The following SULT2B1 variants were observed in gnomAD, a reference collection of about 807,000 sequenced individuals.
The protein encoded by SULT2B1 is sulfotransferase 2B1.
A neutral mutation model predicts 33.2 loss-of-function variants in SULT2B1; 16 were observed. That is an observed-to-expected ratio of 0.48 (90% CI 0.33 to 0.73). SULT2B1 has a LOEUF of 0.73. Among genes scored for constraint, SULT2B1 ranks in the 30% least tolerant of loss-of-function variants. The probability of loss-of-function intolerance (pLI) is 0.02; values close to 1 mark genes in which losing one functional copy is unlikely to be tolerated. For missense variants in SULT2B1, 500 were observed against 506.0 expected (o/e 0.99, Z 0.11); for synonymous variants, 186 against 200.5 (o/e 0.93, Z 0.61).
intron 2 of SULT2B1, among the ~76,000 whole-genome samples, chr19:48,584,640 T>C (rs1973539602): frequency 6.6e-6 from 1 of 152,170 alleles, no homozygotes; most frequent in Non-Finnish European, 1.5e-5. Context: ...TGTGGTGGCT[T>C]ACGCCTGTAA....
At chr19:48,588,545 T>C (rs1002113071) in intron 3 of SULT2B1, among the ~76,000 whole-genome samples, 1 of 149,740 alleles carries the variant, frequency 6.7e-6, no homozygotes, top group African/African-American at 2.4e-5. Flanking sequence ...ATACTACATA[T>C]TATAATAATT....
chr19:48,558,928 C>T (rs1056026018), intron 1 of SULT2B1, among the ~76,000 whole-genome samples: 1 of 152,048 alleles, frequency 6.6e-6, no homozygotes, highest in Non-Finnish European at 1.5e-5. Context: ...TCGGATGATC[C>T]ACCCGCCTCG....
intron 1 of SULT2B1, 76 bp from the exon 2 acceptor site, chr19:48,575,865 C>T (rs370205365): frequency 7.0e-5 from 109 of 1,550,362 alleles, no homozygotes; most frequent in Non-Finnish European, 9.4e-5. Flanking sequence ...TGCCAGGGTC[C>T]GAGTGTCGCC....
intron 1 of SULT2B1, among the ~76,000 whole-genome samples, chr19:48,558,408 C>G (rs780543495): frequency 6.6e-6 from 1 of 152,140 alleles, no homozygotes; most frequent in East Asian, 1.9e-4. Context: ...GTGTCAAGGC[C>G]AGAGAAGCCA....
chr19:48,594,305 C>A, intron 5 of SULT2B1, among the ~76,000 whole-genome samples: 2 of 152,108 alleles, frequency 1.3e-5, no homozygotes, highest in East Asian at 3.9e-4. Flanking sequence ...ATATGGTTTT[C>A]CCAAATGTTG....
At chr19:48,587,978 G>C (rs1414053312) in intron 3 of SULT2B1, among the ~76,000 whole-genome samples, 3 of 150,446 alleles carry the variant, frequency 2.0e-5, no homozygotes, top group Non-Finnish European at 4.4e-5. Flanking sequence ...GGGAGGCAGA[G>C]GCAGGCAGAT....
chr19:48,577,385 A>G (rs1309711657), intron 2 of SULT2B1, among the ~76,000 whole-genome samples: 1 of 20,470 alleles, frequency 4.9e-5, no homozygotes, highest in Non-Finnish European at 9.3e-5. Context: ...TTTTTTTTAG[A>G]GACAGAGTCT....
At chr19:48,587,470 G>C in intron 3 of SULT2B1, 33 bp downstream of exon 3, 1 of 1,610,394 alleles carries the variant, frequency 6.2e-7, no homozygotes, top group Non-Finnish European at 8.5e-7. Flanking sequence ...AGTTGGGAGG[G>C]GCTGCATGGG....
rs979596985 is a variant in SULT2B1 at position 48,595,408 on chromosome 19, T to C, written c.646-1331T>C. Among the ~76,000 whole-genome samples the C allele has an allele frequency of 2.0e-5, 3 of 152,218 alleles. No individual in the cohort carries two copies. The East Asian group carries it at 5.8e-4, about 29-fold the overall frequency. ...GGCCTCTGTTTACCAATTGAGATAA[T>C]GACACTTCCCTTGCAAAGCTGATGG... On this transcript the variant is annotated intron_variant, in intron 5 of 6. Coordinates refer to ENST00000201586, the MANE Select transcript of SULT2B1 (RefSeq NM_177973.2).
chr19:48,558,240 G>T (rs1412130653), intron 1 of SULT2B1, among the ~76,000 whole-genome samples: 2 of 152,210 alleles, frequency 1.3e-5, no homozygotes, highest in Non-Finnish European at 2.9e-5. Flanking sequence ...AACCAGGGAA[G>T]CCTGACTGTA....
chr19:48,593,080 C>A (rs921052601), intron 5 of SULT2B1, among the ~76,000 whole-genome samples: 3 of 152,104 alleles, frequency 2.0e-5, no homozygotes, highest in Non-Finnish European at 4.4e-5. Flanking sequence ...TGGTCAGGGG[C>A]GAGATTTAAC....
At chr19:48,563,188 T>A (rs1973202487) in intron 1 of SULT2B1, among the ~76,000 whole-genome samples, 1 of 152,110 alleles carries the variant, frequency 6.6e-6, no homozygotes. Context: ...GTGGTAGGAT[T>A]ACAGGGGACT....
chr19:48,564,370 G>A lies in SULT2B1; in HGVS notation c.72-11571G>A, dbSNP rs1311446623. On this transcript the variant is annotated intron_variant, in intron 1 of 6. Coordinates refer to ENST00000201586, the MANE Select transcript of SULT2B1 (RefSeq NM_177973.2). The stretch of plus-strand genomic sequence containing the variant: ...AGATCGAGACCAGCCTGGCTAACAC[G>A]GTGAAACCCTGTCTCTACTAAAAAT... 3.3e-5 allele frequency among the ~76,000 whole-genome samples: 5 copies of A among 151,096 alleles called. 1 individual carries two copies. The highest frequency in any genetic ancestry group is 2.4e-5 in the African/African-American group (1 of 41,218).
chr19:48,594,679 T>C (rs1360939765), intron 5 of SULT2B1, among the ~76,000 whole-genome samples: 1 of 152,208 alleles, frequency 6.6e-6, no homozygotes, highest in Non-Finnish European at 1.5e-5. Context: ...GCCATGGGGT[T>C]GGCGGAGCTG....
intron 1 of SULT2B1, among the ~76,000 whole-genome samples, chr19:48,566,764 C>T (rs527567931): frequency 1.3e-5 from 2 of 152,042 alleles, no homozygotes; most frequent in East Asian, 3.9e-4. Flanking sequence ...ATCACTTGAA[C>T]CCGGGAGGCA....
chr19:48,579,605 C>CTTTCTTTTTTT (rs71179013), intron 2 of SULT2B1, among the ~76,000 whole-genome samples: 25 of 79,762 alleles, frequency 3.1e-4, no homozygotes, highest in African/African-American at 8.5e-4. Flanking sequence ...TTCTTTCTTT[C>CTTTCTTTTTTT]TTTTTTTTTT....
chr19:48,596,710 C>T lies in SULT2B1; in HGVS notation c.646-29C>T, dbSNP rs1308761524. The T allele has an allele frequency of 5.1e-6, 8 of 1,566,168 alleles. No homozygotes were observed. In the Admixed American group the frequency reaches 7.3e-5, roughly 14 times the overall value. ...CTCCTTCCTTGGCCGAGTGCCCTCC[C>T]TCCGCTGACCCCTCTCCCCTGCCTG... On this transcript the variant is annotated intron_variant, in intron 5 of 6. Transcript: ENST00000201586.
chr19:48,558,754 G>A (rs1406605176), intron 1 of SULT2B1, among the ~76,000 whole-genome samples: 9 of 138,874 alleles, frequency 6.5e-5, no homozygotes, highest in Non-Finnish European at 1.2e-4. Flanking sequence ...GCACCATCTC[G>A]GCTGACTGCA....
chr19:48,592,603 C>T (rs749794972), intron 4 of SULT2B1, 119 bp from the exon 5 acceptor site: 13 of 805,234 alleles, frequency 1.6e-5, no homozygotes, highest in Non-Finnish European at 2.6e-5. Context: ...GGAGGGCATC[C>T]AGCTCTGGGG....
Sources: allele counts gnomAD v4.1 joint callset (sites outside exome capture counted in the v4.1 genomes callset), GRCh38; gene constraint gnomAD v4.1.1; transcripts MANE v1.5; gene names NCBI Gene and HGNC (gene_info 2026-07-23, HGNC 2026-07-21).